PRDM15: variants seen among roughly 807,000 people sequenced by gnomAD.
PRDM15 encodes the protein PR domain zinc finger protein 15.
Under a neutral mutation model 128.6 loss-of-function variants are expected in PRDM15, and 64 were observed. The ratio of observed to expected loss-of-function variants is 0.50; its 90% CI spans 0.41 to 0.61. The LOEUF (loss-of-function observed/expected upper bound fraction) is 0.61, where lower values mean the gene tolerates loss of function less well. Among genes scored for constraint, PRDM15 ranks in the 20% least tolerant of loss-of-function variants. The pLI is 0.00. For synonymous variants in PRDM15, 615 were observed against 621.8 expected, an observed-to-expected ratio of 0.99 and a Z score of 0.16; for missense variants, 1,242 against 1,569.1, an observed-to-expected ratio of 0.79 and a Z score of 3.52.
intron 19 of PRDM15, 96 bp downstream of exon 19, chr21:41,815,609 G>A (rs539685881): frequency 1.3e-6 from 2 of 1,496,102 alleles, no homozygotes; most frequent in African/African-American, 2.8e-5. Flanking sequence ...TCACAAAGAG[G>A]AATCGTCTCA....
rs1340125947 is a variant in PRDM15 at position 41,815,818 on chromosome 21, G to A, written c.2279C>T (p.Ala760Val). Residue 760 changes from alanine to valine, a missense_variant, in exon 19 of 24, where the codon GCG becomes GTG. By Grantham distance (64) the Ala-to-Val change is moderately conservative. Transcript: ENST00000398548. ...GTGCAGCTTCATGTGGTGGCGCAGC[G>A]CGTGCTTGGTCTTCATGCCTTCAAG... is the stretch of plus-strand genomic sequence containing the variant. Reference protein sequence around the residue: ...ECGKGMKTKHALRHHMKLHKG... With the variant: ...ECGKGMKTKHVLRHHMKLHKG... 4 of 1,613,810 alleles carry A rather than the reference G, an allele frequency of 2.5e-6. No homozygotes were observed. The highest frequency in any genetic ancestry group is 2.2e-5 in the East Asian group (1 of 44,874).
chr21:41,879,264 C>T lies in PRDM15; in HGVS notation c.-10+6G>A. On this transcript the variant is annotated splice_donor_region_variant and intron_variant, in intron 1 of 23. Transcript: ENST00000398548. The surrounding 1 kb of genome is among the most constrained non-coding windows in gnomAD (Gnocchi z 5.1). The stretch of plus-strand genomic sequence containing the variant: ...CGGGCGGCGGGCGCAGGGCCCGGAG[C>T]TTTACCTGCCTTTGGAATGTGCAGA... The T allele has an allele frequency of 2.0e-6, 2 of 1,024,124 alleles. No homozygotes were observed. The highest frequency in any genetic ancestry group is 2.4e-6 in the Non-Finnish European group (2 of 844,688). 63.4% of individuals were successfully genotyped at this position (1,024,124 alleles called of 1,614,324 possible).
At chr21:41,812,291 C>G (rs769547347) in intron 19 of PRDM15, 1 of 152,168 alleles carries the variant, frequency 6.6e-6, no homozygotes, top group East Asian at 1.9e-4. Context: ...TAAGTGAGTG[C>G]GGGCTCAACA....
intron 18 of PRDM15, among the ~76,000 whole-genome samples, chr21:41,819,073 C>T (rs28718091): frequency 0.01 from 1,535 of 152,300 alleles, 25 homozygotes; most frequent in African/African-American, 0.035. Flanking sequence ...ACTTTTAAAA[C>T]GATTTGTTTG....
chr21:41,806,147 C>T (rs1353121106), intron 21 of PRDM15, among the ~76,000 whole-genome samples: 1 of 2,588 alleles, frequency 3.9e-4, no homozygotes, highest in Non-Finnish European at 7.8e-4. Flanking sequence ...ATCACCACCA[C>T]CACCACCATC....
At chr21:41,805,768 T>C (rs1156713036) in intron 21 of PRDM15, among the ~76,000 whole-genome samples, 1 of 144,106 alleles carries the variant, frequency 6.9e-6, no homozygotes. Context: ...ATCAGTATCA[T>C]CACCATCAAC....
Position 41,801,333 on chromosome 21 carries a change from G to C in PRDM15, c.3333C>G (p.Val1111=), listed in dbSNP as rs746395639. ...LTWRAVPQTD[V]LPPSQPQAPP... ...GTGCCTGCGGCTGCGAGGGTGGCAA[G>C]ACGTCAGTCTGGGGCACTGCCCGCC... is the stretch of plus-strand genomic sequence containing the variant. The change falls in exon 24 of 24, where the codon GTC becomes GTG. Residue 1111 remains valine, a synonymous_variant. Transcript: ENST00000398548. The C allele has an allele frequency of 8.2e-6, 13 of 1,589,362 alleles. No homozygotes were observed. Among genetic ancestry groups the C allele is most frequent in the Admixed American group, 1.7e-5 (1 of 58,406 alleles).
At chr21:41,843,199 C>T (rs576268478) in intron 6 of PRDM15, among the ~76,000 whole-genome samples, 7 of 152,168 alleles carry the variant, frequency 4.6e-5, no homozygotes, top group African/African-American at 1.7e-4. Context: ...ATAACATTTG[C>T]TTATTTTTTT....
chr21:41,879,180 G>T lies in PRDM15; in HGVS notation c.-10+90C>A. 1.2e-6 allele frequency: 1 copy of T among 846,436 alleles called. No homozygotes were observed. The highest frequency in any genetic ancestry group is 1.4e-6 in the Non-Finnish European group (1 of 704,370). 52.4% of individuals were successfully genotyped at this position (846,436 alleles called of 1,614,324 possible). A position where few individuals can be genotyped will look rare whatever the true frequency, so the allele number is the denominator to read the frequency against. On this transcript the variant is annotated intron_variant, in intron 1 of 23. Transcript: ENST00000398548. The surrounding 1 kb of genome is among the most constrained non-coding windows in gnomAD (Gnocchi z 5.1). ...GGGCGGGGGGCAGCGGGCCCAGGGCGCGCCGGGGCTCGCGGGGGCAGCGGG... is the reference window on the plus strand; with the variant it reads ...GGGCGGGGGGCAGCGGGCCCAGGGCTCGCCGGGGCTCGCGGGGGCAGCGGG...
At chr21:41,820,047 A>G (rs759033240) in intron 17 of PRDM15, 48 bp downstream of exon 17, 1 of 1,510,626 alleles carries the variant, frequency 6.6e-7, no homozygotes, top group Non-Finnish European at 9.2e-7. Context: ...CCTCCCTGCC[A>G]GCCCCCTCCA....
At chr21:41,831,839 C>T (rs971343768) in intron 11 of PRDM15, among the ~76,000 whole-genome samples, 7 of 152,204 alleles carry the variant, frequency 4.6e-5, no homozygotes, top group African/African-American at 1.4e-4. Flanking sequence ...CACATCCCAC[C>T]CCACCTGCAG....
intron 1 of PRDM15, among the ~76,000 whole-genome samples, chr21:41,870,461 A>T (rs149073707): frequency 3.3e-5 from 5 of 152,274 alleles, no homozygotes; most frequent in African/African-American, 1.2e-4. Flanking sequence ...TATTAAAAGC[A>T]CTCAGGGAAA....
intron 6 of PRDM15, among the ~76,000 whole-genome samples, chr21:41,841,962 T>C (rs990823433): frequency 1.3e-5 from 2 of 152,196 alleles, no homozygotes; most frequent in African/African-American, 2.4e-5. Context: ...GCAGCTAACA[T>C]GGTTCTTAAG....
rs1288950702 is a variant in PRDM15 at position 41,828,570 on chromosome 21, C to T, written c.1367-237G>A. 6.6e-6 allele frequency among the ~76,000 whole-genome samples: 1 copy of T among 151,924 alleles called. No individual in the cohort carries two copies. The highest frequency in any genetic ancestry group is 1.5e-5 in the Non-Finnish European group (1 of 67,978). ...CAGACACGGAGCTCACCTTTCATCA[C>T]CAAGCAACGCCAGCCGCCTCCCTCC... On this transcript the variant is annotated intron_variant, in intron 11 of 23. Coordinates refer to ENST00000398548, the MANE Select transcript of PRDM15 (RefSeq NM_001040424.3). This position sits in a 1 kb window ranked among gnomAD's most constrained non-coding sequence, Gnocchi z 5.7.
chr21:41,804,527 T>G lies in PRDM15; in HGVS notation c.2733+7A>C, dbSNP rs1422585377. ...TTTCTGAGCCCCTGGGGCCCCATGC[T>G]GCTCACCTGGACGATGCCAATGGAG... On this transcript the variant is annotated splice_region_variant and intron_variant, in intron 22 of 23. Transcript: ENST00000398548. 7.0e-6 allele frequency: 11 copies of G among 1,560,770 alleles called. No individual in the cohort carries two copies. The highest frequency in any genetic ancestry group is 9.6e-6 in the Non-Finnish European group (11 of 1,151,798).
Position 41,823,312 on chromosome 21 carries a change from C to T in PRDM15, c.1761+6G>A, listed in dbSNP as rs763978517. 1.6e-5 allele frequency: 26 copies of T among 1,607,704 alleles called. No homozygotes were observed. Among genetic ancestry groups the T allele is most frequent in the South Asian group, 4.5e-5 (4 of 89,612 alleles). ...TGCCTGGGTGAGGGCAGCACGCGAT[C>T]GACACCTTGAAGTGGACATGGATGT... On this transcript the variant is annotated splice_donor_region_variant and intron_variant, in intron 14 of 23. Transcript: ENST00000398548.
At chr21:41,839,596 C>A in intron 7 of PRDM15, 27 bp downstream of exon 7, 1 of 1,601,650 alleles carries the variant, frequency 6.2e-7, no homozygotes, top group Non-Finnish European at 8.6e-7. Context: ...CCCACGCAGG[C>A]ACTCATCCCC....
rs1419050155 is a variant in PRDM15 at position 41,854,050 on chromosome 21, G to A, written c.538+516C>T. ...AAGCAGTCATGCGCCATGTGACAAG[G>A]TTTCAGTCAAAGACAGTGGTCCCAT... On this transcript the variant is annotated intron_variant, in intron 5 of 23. Coordinates refer to ENST00000398548, the MANE Select transcript of PRDM15 (RefSeq NM_001040424.3). This position sits in a 1 kb window ranked among gnomAD's most constrained non-coding sequence, Gnocchi z 4.6. Among the ~76,000 whole-genome samples, 2 of 152,204 alleles carry A rather than the reference G, an allele frequency of 1.3e-5. No individual in the cohort carries two copies. Among genetic ancestry groups the A allele is most frequent in the Non-Finnish European group, 2.9e-5 (2 of 68,036 alleles).
chr21:41,855,277 G>A (rs541377290), intron 4 of PRDM15, among the ~76,000 whole-genome samples: 10 of 152,290 alleles, frequency 6.6e-5, no homozygotes, highest in East Asian at 3.9e-4. Flanking sequence ...TCCCAGCTCC[G>A]CCACAGGGTG....
Sources: gnomAD v4.1 joint callset for allele counts (sites outside exome capture counted in the v4.1 genomes callset) on GRCh38, gnomAD v4.1.1 for gene constraint, Gnocchi (gnomAD v3.1) non-coding constraint, MANE v1.5 for transcripts, NCBI Gene and HGNC (gene_info 2026-07-23, HGNC 2026-07-21) for gene names.